PRKN: variants seen among roughly 807,000 people sequenced by gnomAD.
PRKN encodes the protein E3 ubiquitin-protein ligase parkin.
PRKN carries 56 observed loss-of-function variants against 59.5 expected under a neutral mutation model. That is an observed-to-expected ratio of 0.94 (90% CI 0.76 to 1.18). The LOEUF (loss-of-function observed/expected upper bound fraction) is 1.18, where lower values mean the gene tolerates loss of function less well. Among genes scored for constraint, PRKN ranks in the 50% most tolerant of loss-of-function variants. PRKN has a pLI of 0.00. For missense variants in PRKN, 657 were observed against 596.4 expected, an observed-to-expected ratio of 1.10 and a Z score of -1.06; for synonymous variants, 250 against 222.1, an observed-to-expected ratio of 1.13 and a Z score of -1.12.
At chr6:162,140,899 C>T (rs772577698) in intron 4 of PRKN, among the ~76,000 whole-genome samples, 5 of 152,058 alleles carry the variant, frequency 3.3e-5, no homozygotes, top group Admixed American at 6.6e-5. Flanking sequence ...GAGGCCGAGG[C>T]GGGCAGATCA....
At chr6:162,151,782 C>T (rs971667030) in intron 4 of PRKN, among the ~76,000 whole-genome samples, 16 of 152,014 alleles carry the variant, frequency 1.1e-4, no homozygotes, top group Non-Finnish European at 1.9e-4. Flanking sequence ...AAAATATCTT[C>T]GGAGGACATA....
In PRKN at chr6:162,468,022, C is replaced by CTA. The variant is rs374276360; in HGVS notation, c.8-24551_8-24550dup. Among the ~76,000 whole-genome samples, 55 of 152,302 alleles carry CTA rather than the reference C, an allele frequency of 3.6e-4. 1 individual carries two copies. The highest frequency in any genetic ancestry group is 1.1e-3 in the African/African-American group (47 of 41,560). ...TGACCACCCTAATTAAGCAGCCTCCCTAACTACTCTCTCATCACCTTGTTT... is the reference window on the plus strand; with the variant it reads ...TGACCACCCTAATTAAGCAGCCTCCCTATAACTACTCTCTCATCACCTTGTTT... On this transcript the variant is annotated intron_variant, in intron 1 of 11. Transcript: ENST00000366898.
chr6:161,975,871 C>A (rs145008465), intron 5 of PRKN, among the ~76,000 whole-genome samples: 1 of 152,104 alleles, frequency 6.6e-6, no homozygotes, highest in Non-Finnish European at 1.5e-5. Flanking sequence ...CTACATCTTA[C>A]GTAAAATATG....
intron 2 of PRKN, among the ~76,000 whole-genome samples, chr6:162,421,556 G>A (rs1157340666): frequency 6.6e-6 from 1 of 152,068 alleles, no homozygotes; most frequent in African/African-American, 2.4e-5. Context: ...GATACAATAT[G>A]GCACCTTCTC....
rs977197229 is a variant in PRKN at position 161,533,084 on chromosome 6, C to T, written c.1083+15770G>A. ...TGAGTATAAATATTCTATAGTGTACCATATTAGCTATTAAACATTATACAG... is the reference window on the plus strand; with the variant it reads ...TGAGTATAAATATTCTATAGTGTACTATATTAGCTATTAAACATTATACAG... On this transcript the variant is annotated intron_variant, in intron 9 of 11. Transcript: ENST00000366898. This position sits in a 1 kb window ranked among gnomAD's most constrained non-coding sequence, Gnocchi z 4.1. Among the ~76,000 whole-genome samples the T allele has an allele frequency of 6.6e-6, 1 of 152,080 alleles. No homozygotes were observed. The highest frequency in any genetic ancestry group is 1.5e-5 in the Non-Finnish European group (1 of 68,020).
At chr6:162,430,598 T>TATAC (rs2128162943) in intron 2 of PRKN, among the ~76,000 whole-genome samples, 1 of 152,162 alleles carries the variant, frequency 6.6e-6, no homozygotes, top group African/African-American at 2.4e-5. Context: ...TATATATATA[T>TATAC]ATCTTGTAAA....
intron 7 of PRKN, among the ~76,000 whole-genome samples, chr6:161,662,916 A>G (rs1187793663): frequency 6.6e-6 from 1 of 152,224 alleles, no homozygotes; most frequent in Admixed American, 6.5e-5. Flanking sequence ...CCCAAATTTC[A>G]TCTTGAATTG....
rs575360857 is a variant in PRKN at position 162,684,569 on chromosome 6, C to A, written c.7+43093G>T. 1.9e-3 allele frequency among the ~76,000 whole-genome samples: 296 copies of A among 152,224 alleles called. 2 individuals are homozygous for A. Among genetic ancestry groups the A allele is most frequent in the Non-Finnish European group, 3.0e-3 (206 of 67,998 alleles). ...GGAAAACAAGCTGAGTATTTGGAGT[C>A]AGAAGTTTTAGGCTGATTGTCAATG... On this transcript the variant is annotated intron_variant, in intron 1 of 11. Transcript: ENST00000366898.
At position 161,388,196 on chromosome 6, in the gene PRKN, T is replaced by G. The variant is rs1313993969; in HGVS notation, c.1084-1319A>C. Among the ~76,000 whole-genome samples, 1 of 152,176 alleles carries G rather than the reference T, an allele frequency of 6.6e-6. No homozygotes were observed. The highest frequency in any genetic ancestry group is 2.4e-5 in the African/African-American group (1 of 41,438). ...AAACACCTTGGGAAAGCCACCTTGG[T>G]TTCTGTGCCTTGGTTTCCACCTTGG... is the stretch of plus-strand genomic sequence containing the variant. On this transcript the variant is annotated intron_variant, in intron 9 of 11. Transcript: ENST00000366898. The surrounding 1 kb of genome is among the most constrained non-coding windows in gnomAD (Gnocchi z 4.3).
chr6:162,689,752 T>C (rs1328939197), intron 1 of PRKN, among the ~76,000 whole-genome samples: 2 of 152,126 alleles, frequency 1.3e-5, no homozygotes, highest in Non-Finnish European at 2.9e-5. Context: ...TTCCAAAAAA[T>C]TTAAATAACA....
At chr6:162,594,699 G>T (rs1781435304) in intron 1 of PRKN, among the ~76,000 whole-genome samples, 1 of 152,186 alleles carries the variant, frequency 6.6e-6, no homozygotes, top group Admixed American at 6.5e-5. Context: ...ATGTTCACAT[G>T]CTCAAATTGT....
rs1562506945 is a variant in PRKN at position 161,529,677 on chromosome 6, A to AT, written c.1083+19176dup. On this transcript the variant is annotated intron_variant, in intron 9 of 11. Coordinates refer to ENST00000366898, the MANE Select transcript of PRKN (RefSeq NM_004562.3). The surrounding 1 kb of genome is among the most constrained non-coding windows in gnomAD (Gnocchi z 4.4). ...TGTTTTGGAAGAAGCTGTCCTACAT[A>AT]TAAGTTGTCTTCTGCAAAATAAGAC... 6.6e-6 allele frequency among the ~76,000 whole-genome samples: 1 copy of AT among 152,234 alleles called. No homozygotes were observed. The highest frequency in any genetic ancestry group is 2.4e-5 in the African/African-American group (1 of 41,464).
intron 1 of PRKN, among the ~76,000 whole-genome samples, chr6:162,602,726 C>T (rs537466800): frequency 6.6e-6 from 1 of 152,170 alleles, no homozygotes; most frequent in Middle Eastern, 3.2e-3. Context: ...TTTTCACATG[C>T]AAACAAACTA....
intron 7 of PRKN, among the ~76,000 whole-genome samples, chr6:161,725,396 A>C (rs1245303672): frequency 6.6e-6 from 1 of 152,192 alleles, no homozygotes; most frequent in African/African-American, 2.4e-5. Context: ...TTGGTGCCTG[A>C]TGAAGTGGGG....
intron 1 of PRKN, among the ~76,000 whole-genome samples, chr6:162,488,453 C>T (rs914659677): frequency 1.3e-5 from 2 of 152,138 alleles, no homozygotes; most frequent in Admixed American, 6.5e-5. Flanking sequence ...AGGTGTGGGT[C>T]GCCTCCAGCT....
At chr6:161,435,417 A>G (rs1014420957) in intron 9 of PRKN, among the ~76,000 whole-genome samples, 1 of 152,122 alleles carries the variant, frequency 6.6e-6, no homozygotes, top group Non-Finnish European at 1.5e-5. Context: ...CGTTTTGTTA[A>G]TGTTGTTTAT....
chr6:162,639,065 C>G (rs1351498087), intron 1 of PRKN, among the ~76,000 whole-genome samples: 4 of 152,142 alleles, frequency 2.6e-5, no homozygotes, highest in Non-Finnish European at 4.4e-5. Context: ...GTTTGCCAGT[C>G]TTCCTGTGTC....
At chr6:161,723,490 T>A (rs538738358) in intron 7 of PRKN, among the ~76,000 whole-genome samples, 23 of 152,242 alleles carry the variant, frequency 1.5e-4, no homozygotes, top group African/African-American at 5.3e-4. Context: ...GGGGTCCCCA[T>A]CTTGCATATT....
rs535547300 is a variant in PRKN at position 162,580,108 on chromosome 6, C to T, written c.8-136635G>A. On this transcript the variant is annotated intron_variant, in intron 1 of 11. Coordinates refer to ENST00000366898, the MANE Select transcript of PRKN (RefSeq NM_004562.3). ...CATATGACACAAGACACTGGACTTT[C>T]GGTGACAAGGAACCATGGTATCAGA... is the stretch of plus-strand genomic sequence containing the variant. Among the ~76,000 whole-genome samples, 12 of 152,258 alleles carry T rather than the reference C, an allele frequency of 7.9e-5. No individual in the cohort carries two copies. The South Asian group carries it at 2.3e-3, about 29-fold the overall frequency.
Sources: allele counts gnomAD v4.1 joint callset (sites outside exome capture counted in the v4.1 genomes callset), GRCh38; gene constraint gnomAD v4.1.1; non-coding constraint Gnocchi (gnomAD v3.1); transcripts MANE v1.5; gene names NCBI Gene and HGNC (gene_info 2026-07-23, HGNC 2026-07-21).